The following GPC6 variants were observed in gnomAD, a reference collection of about 807,000 sequenced individuals.
The protein encoded by GPC6 is glypican 6, also known as glypican-6.
GPC6 carries 14 observed loss-of-function variants against 55.2 expected under a neutral mutation model. That is an observed-to-expected ratio of 0.25 (90% CI 0.17 to 0.40). GPC6 has a LOEUF of 0.40. GPC6 is among the 10% of genes least tolerant of loss of function. GPC6 has a pLI of 1.00. For missense variants in GPC6, 641 were observed against 708.5 expected, an observed-to-expected ratio of 0.90 and a Z score of 1.08; for synonymous variants, 278 against 259.6, an observed-to-expected ratio of 1.07 and a Z score of -0.68.
At chr13:93,916,533 T>C (rs1162904912) in intron 3 of GPC6, among the ~76,000 whole-genome samples, 1 of 152,164 alleles carries the variant, frequency 6.6e-6, no homozygotes, top group Admixed American at 6.5e-5. Flanking sequence ...TTCTCATTGG[T>C]ACTGTAGGAA....
intron 4 of GPC6, among the ~76,000 whole-genome samples, chr13:94,087,834 T>A (rs1885342752): frequency 6.6e-6 from 1 of 152,166 alleles, no homozygotes; most frequent in African/African-American, 2.4e-5. Context: ...CTACTTTGAG[T>A]CATGGATCCT....
At chr13:93,345,959 G>A (rs1006255374) in intron 1 of GPC6, among the ~76,000 whole-genome samples, 4 of 152,100 alleles carry the variant, frequency 2.6e-5, no homozygotes, top group Admixed American at 2.0e-4. Flanking sequence ...GGTTCATGTG[G>A]AATTTATAAG....
At chr13:94,010,748 G>A (rs1160790673) in intron 3 of GPC6, among the ~76,000 whole-genome samples, 1 of 152,116 alleles carries the variant, frequency 6.6e-6, no homozygotes, top group Non-Finnish European at 1.5e-5. Context: ...GTAAAATTAT[G>A]CTTAATATTT....
intron 3 of GPC6, among the ~76,000 whole-genome samples, chr13:93,939,963 C>T (rs1004003552): frequency 6.6e-6 from 1 of 152,046 alleles, no homozygotes; most frequent in Non-Finnish European, 1.5e-5. Flanking sequence ...TGTGATTATT[C>T]TGGATGCTAA....
intron 1 of GPC6, among the ~76,000 whole-genome samples, chr13:93,491,541 A>T (rs1416385395): frequency 8.0e-6 from 1 of 124,828 alleles, no homozygotes; most frequent in East Asian, 3.1e-4. Flanking sequence ...CCCATTTGTC[A>T]ATTTTGGCTT....
chr13:93,368,026 G>A (rs1881309511), intron 1 of GPC6, among the ~76,000 whole-genome samples: 1 of 152,022 alleles, frequency 6.6e-6, no homozygotes, highest in South Asian at 2.1e-4. Flanking sequence ...AAAGATGGTT[G>A]TTAAAATCTC....
At chr13:94,318,394 A>C (rs920776084) in intron 6 of GPC6, among the ~76,000 whole-genome samples, 11 of 152,200 alleles carry the variant, frequency 7.2e-5, no homozygotes, top group Admixed American at 7.2e-4. Context: ...ACCTATGATA[A>C]AGTTTCATTT....
At chr13:94,142,158 A>G (rs140282286) in intron 4 of GPC6, among the ~76,000 whole-genome samples, 84 of 152,296 alleles carry the variant, frequency 5.5e-4, no homozygotes, top group African/African-American at 2.0e-3. Flanking sequence ...CCATGTGAAG[A>G]CGCATTTAAA....
At chr13:94,169,156 CAA>C (rs1888474483) in intron 4 of GPC6, among the ~76,000 whole-genome samples, 1 of 152,174 alleles carries the variant, frequency 6.6e-6, no homozygotes, top group Non-Finnish European at 1.5e-5. Flanking sequence ...GGATAGGAAA[CAA>C]CGTTTGCAAT....
chr13:93,590,885 A>G (rs1348444660), intron 2 of GPC6, among the ~76,000 whole-genome samples: 1 of 152,116 alleles, frequency 6.6e-6, no homozygotes, highest in Non-Finnish European at 1.5e-5. Context: ...CTGTTTTTTA[A>G]AAAGGACGAG....
chr13:94,118,823 A>G (rs994400081), intron 4 of GPC6, among the ~76,000 whole-genome samples: 1 of 152,134 alleles, frequency 6.6e-6, no homozygotes, highest in South Asian at 2.1e-4. Context: ...TAGCAGAAAG[A>G]GAAACCTACT....
chr13:93,597,004 T>C lies in GPC6; in HGVS notation c.319+51583T>C, dbSNP rs545945646. Among the ~76,000 whole-genome samples the C allele has an allele frequency of 6.2e-3, 485 of 78,512 alleles. 3 individuals carry two copies. The highest frequency in any genetic ancestry group is 9.0e-3 in the Non-Finnish European group (384 of 42,736). 51.5% of individuals were successfully genotyped at this position (78,512 alleles called of 152,430 possible). A position where few individuals can be genotyped will look rare whatever the true frequency, so the allele number is the denominator to read the frequency against. On this transcript the variant is annotated intron_variant, in intron 2 of 8. Transcript: ENST00000377047. ...AAGAACTTATATTTTAGTTCAAATCTGGCAAAAAAAAAAAAAAAAAAAAAA... is the reference window on the plus strand; with the variant it reads ...AAGAACTTATATTTTAGTTCAAATCCGGCAAAAAAAAAAAAAAAAAAAAAA...
chr13:93,245,027 T>G (rs1876553323), intron 1 of GPC6, among the ~76,000 whole-genome samples: 1 of 152,156 alleles, frequency 6.6e-6, no homozygotes, highest in Non-Finnish European at 1.5e-5. Context: ...TAATGAGGTA[T>G]TTGGCATTGT....
intron 3 of GPC6, among the ~76,000 whole-genome samples, chr13:93,934,070 A>T (rs969232620): frequency 6.6e-6 from 1 of 152,198 alleles, no homozygotes; most frequent in Non-Finnish European, 1.5e-5. Context: ...CATGTAAATT[A>T]AGAAGCTATT....
intron 2 of GPC6, among the ~76,000 whole-genome samples, chr13:93,576,487 A>G (rs1876669942): frequency 6.6e-6 from 1 of 152,046 alleles, no homozygotes; most frequent in Non-Finnish European, 1.5e-5. Flanking sequence ...TTGGCTGTGT[A>G]CTCTGGTGAT....
intron 4 of GPC6, among the ~76,000 whole-genome samples, chr13:94,100,091 C>T (rs1213527899): frequency 1.3e-5 from 2 of 151,870 alleles, no homozygotes; most frequent in Non-Finnish European, 2.9e-5. Flanking sequence ...TCACATGTAC[C>T]CCTGAACCTA....
chr13:93,896,953 C>T (rs1335070978), intron 3 of GPC6, among the ~76,000 whole-genome samples: 1 of 148,976 alleles, frequency 6.7e-6, no homozygotes, highest in African/African-American at 2.5e-5. Context: ...CAGAGTGAGG[C>T]TGGATAGAAT....
intron 4 of GPC6, among the ~76,000 whole-genome samples, chr13:94,159,522 G>A (rs772426553): frequency 3.3e-5 from 5 of 152,030 alleles, no homozygotes; most frequent in Non-Finnish European, 5.9e-5. Flanking sequence ...TTACTACCAC[G>A]AGAACGGTTT....
chr13:93,914,735 G>A (rs1877200404), intron 3 of GPC6, among the ~76,000 whole-genome samples: 3 of 152,204 alleles, frequency 2.0e-5, no homozygotes, highest in Admixed American at 2.0e-4. Flanking sequence ...GGAAATAAAT[G>A]GGATGTAAAT....
Sources: gnomAD v4.1 joint callset for allele counts (sites outside exome capture counted in the v4.1 genomes callset) on GRCh38, gnomAD v4.1.1 for gene constraint, MANE v1.5 for transcripts, NCBI Gene and HGNC (gene_info 2026-07-23, HGNC 2026-07-21) for gene names.